The following SOS1 variants were observed in gnomAD, a reference collection of about 807,000 sequenced individuals.
SOS1 encodes the protein son of sevenless homolog 1.
A neutral mutation model predicts 157.6 loss-of-function variants in SOS1; 25 were observed. The observed-to-expected ratio is 0.16, with a 90% CI of 0.12 to 0.22. The LOEUF (loss-of-function observed/expected upper bound fraction) is 0.22, where lower values mean the gene tolerates loss of function less well. Ranked by LOEUF, SOS1 falls within the 10% of genes least tolerant of loss-of-function variation. SOS1 has a pLI of 1.00. For synonymous variants in SOS1, 528 were observed against 534.0 expected, an observed-to-expected ratio of 0.99 and a Z score of 0.16; for missense variants, 1,237 against 1,599.1, an observed-to-expected ratio of 0.77 and a Z score of 3.86.
In SOS1 at chr2:39,004,761, G is replaced by A. The variant is rs1052266885; in HGVS notation, c.2791+1651C>T. Among the ~76,000 whole-genome samples, 3 of 151,522 alleles carry A rather than the reference G, an allele frequency of 2.0e-5. 1 individual carries two copies. Among genetic ancestry groups the A allele is most frequent in the Non-Finnish European group, 4.4e-5 (3 of 67,868 alleles). On this transcript the variant is annotated intron_variant, in intron 17 of 22. Transcript: ENST00000402219. Reference sequence around the variant, plus strand: ...GAGATACGAAAAATGACATGGACAAGAGGAAATACAAATATTAAAGAATGT... The same window carrying A: ...GAGATACGAAAAATGACATGGACAAAAGGAAATACAAATATTAAAGAATGT...
intron 9 of SOS1, 143 bp downstream of exon 9, chr2:39,023,867 T>G: frequency 1.5e-6 from 1 of 651,358 alleles, no homozygotes; most frequent in East Asian, 2.8e-5. Flanking sequence ...TTCTCTTGGC[T>G]TTGATGTCAC....
chr2:39,094,523 G>A (rs1672703550), intron 1 of SOS1, among the ~76,000 whole-genome samples: 1 of 152,126 alleles, frequency 6.6e-6, no homozygotes, highest in South Asian at 2.1e-4. Flanking sequence ...GCGAGAGCCT[G>A]TAATCCCAGC....
At chr2:39,002,118 AC>A (rs979350193) in intron 17 of SOS1, among the ~76,000 whole-genome samples, 2 of 151,988 alleles carry the variant, frequency 1.3e-5, no homozygotes, top group Non-Finnish European at 2.9e-5. Flanking sequence ...GGAGTTTGAG[AC>A]CAGCCTGGCC....
intron 12 of SOS1, 37 bp from the exon 13 acceptor site, chr2:39,013,600 C>A: frequency 7.7e-7 from 1 of 1,301,400 alleles, no homozygotes; most frequent in South Asian, 1.2e-5. Context: ...ACATGGGAAT[C>A]AAACATAAAT....
intron 17 of SOS1, among the ~76,000 whole-genome samples, chr2:39,001,000 T>A (rs552480100): frequency 6.6e-6 from 1 of 152,332 alleles, no homozygotes; most frequent in South Asian, 2.1e-4. Flanking sequence ...GCAAAGCCAA[T>A]GCTAAAGGCT....
intron 8 of SOS1, 21 bp from the exon 9 acceptor site, chr2:39,024,158 A>G: frequency 6.3e-7 from 1 of 1,598,034 alleles, no homozygotes; most frequent in South Asian, 1.1e-5. Flanking sequence ...AAAATGACAA[A>G]TCTGAACCAG....
intron 21 of SOS1, among the ~76,000 whole-genome samples, chr2:38,988,498 T>G (rs1233028944): frequency 6.6e-6 from 1 of 152,174 alleles, no homozygotes; most frequent in African/African-American, 2.4e-5. Context: ...GCAGTTTTTT[T>G]TCCCTTTAAG....
chr2:38,987,768 T>G (rs1452695985), intron 21 of SOS1, 177 bp from the exon 22 acceptor site: 2 of 575,144 alleles, frequency 3.5e-6, no homozygotes, highest in African/African-American at 3.8e-5. Flanking sequence ...CATAAAAGCA[T>G]GCAGACATTT....
At chr2:39,104,559 G>A (rs2148211937) in intron 1 of SOS1, among the ~76,000 whole-genome samples, 1 of 152,278 alleles carries the variant, frequency 6.6e-6, no homozygotes, top group African/African-American at 2.4e-5. Flanking sequence ...AGTTCCTGAA[G>A]AAGCTAACCA....
intron 20 of SOS1, 78 bp downstream of exon 20, chr2:38,995,045 A>G (rs900742499): frequency 4.8e-6 from 6 of 1,260,686 alleles, no homozygotes; most frequent in Non-Finnish European, 7.0e-6. Context: ...ATACAAAAAA[A>G]TAACAGAGAT....
At chr2:38,988,355 C>A (rs1228471756) in intron 21 of SOS1, among the ~76,000 whole-genome samples, 1 of 152,006 alleles carries the variant, frequency 6.6e-6, no homozygotes, top group African/African-American at 2.4e-5. Flanking sequence ...CTCTTACAGA[C>A]ATTTATGGTA....
chr2:39,081,693 C>T lies in SOS1; in HGVS notation c.88-13940G>A, dbSNP rs185020551. ...TACAAAAATTAGCCAGGCTTGGCGG[C>T]GGGCGCCTGTAATCCCAGCTACTTG... On this transcript the variant is annotated intron_variant, in intron 1 of 22. Coordinates refer to ENST00000402219, the MANE Select transcript of SOS1 (RefSeq NM_005633.4). 6.0e-3 allele frequency among the ~76,000 whole-genome samples: 908 copies of T among 150,344 alleles called. 8 individuals carry two copies. Among genetic ancestry groups the T allele is most frequent in the African/African-American group, 0.019 (781 of 40,842 alleles).
chr2:39,120,518 G>A lies in SOS1; in HGVS notation c.-96C>T. 8.6e-7 allele frequency: 1 copy of A among 1,168,798 alleles called. No individual in the cohort carries two copies. The highest frequency in any genetic ancestry group is 1.1e-6 in the Non-Finnish European group (1 of 948,156). 72.4% of individuals were successfully genotyped at this position (1,168,798 alleles called of 1,614,324 possible). A position where few individuals can be genotyped will look rare whatever the true frequency, so the allele number is the denominator to read the frequency against. On this transcript the variant is annotated 5_prime_UTR_variant, in exon 1 of 23. Coordinates refer to ENST00000402219, the MANE Select transcript of SOS1 (RefSeq NM_005633.4). ...AGCTCGCAGCGCGGAACAGGGCCGC[G>A]GCCCCACCGGACGGCCCGGCCCCCT...
Position 39,120,447 on chromosome 2 carries a change from G to A in SOS1, c.-25C>T, listed in dbSNP as rs558561458. The A allele has an allele frequency of 5.1e-6, 8 of 1,557,416 alleles. No homozygotes were observed. The East Asian group carries it at 1.3e-4, about 24-fold the overall frequency. The stretch of plus-strand genomic sequence containing the variant: ...TGGTGCCCCCGGGGCGCCTCTGGGC[G>A]GGGAGAGGGGCGGCGGCGGCCGGGC... On this transcript the variant is annotated 5_prime_UTR_variant, in exon 1 of 23. Transcript: ENST00000402219.
chr2:39,116,974 G>A (rs1572904464), intron 1 of SOS1, among the ~76,000 whole-genome samples: 3 of 151,702 alleles, frequency 2.0e-5, no homozygotes, highest in Middle Eastern at 6.9e-3. Flanking sequence ...CTCCAGACAT[G>A]CCCTGCCACT....
At chr2:39,106,184 TAC>T (rs35147616) in intron 1 of SOS1, among the ~76,000 whole-genome samples, 110,904 of 148,026 alleles carry the variant, frequency 0.75, 41,843 homozygotes, top group Non-Finnish European at 0.81. Context: ...TGTGCTACTG[TAC>T]ACACACACAC....
intron 6 of SOS1, 114 bp downstream of exon 6, chr2:39,051,030 A>T: frequency 1.0e-6 from 1 of 955,024 alleles, no homozygotes; most frequent in Non-Finnish European, 1.7e-6. Flanking sequence ...AATAACAGAT[A>T]AATAGTCAAC....
chr2:39,122,447 T>TACACACAC (rs70954783), upstream of SOS1, among the ~76,000 whole-genome samples: 4,400 of 142,156 alleles, frequency 0.031, 236 homozygotes, highest in African/African-American at 0.11. Flanking sequence ...AAAAAAAATA[T>TACACACAC]ACACACACAC....
intron 18 of SOS1, 96 bp from the exon 19 acceptor site, chr2:38,997,134 T>C: frequency 9.5e-7 from 1 of 1,049,156 alleles, no homozygotes; most frequent in Non-Finnish European, 1.4e-6. Flanking sequence ...TACAAGTAAA[T>C]TTGAATTATT....
Sources: allele counts gnomAD v4.1 joint callset (sites outside exome capture counted in the v4.1 genomes callset), GRCh38; gene constraint gnomAD v4.1.1; transcripts MANE v1.5; gene names NCBI Gene and HGNC (gene_info 2026-07-23, HGNC 2026-07-21).